Variants in ENOX1 observed in about 807,000 individuals in gnomAD.
ENOX1 encodes candidate growth-related and time keeping constitutive hydroquinone (NADH) oxidase.
Under a neutral mutation model 82.5 loss-of-function variants are expected in ENOX1, and 42 were observed. The ratio of observed to expected loss-of-function variants is 0.51; its 90% CI spans 0.40 to 0.66. ENOX1 has a LOEUF of 0.66. Ranked by LOEUF, ENOX1 falls within the 30% of genes least tolerant of loss-of-function variation. ENOX1 has a pLI of 0.00. For missense variants in ENOX1, 608 were observed against 811.6 expected (o/e 0.75, Z 3.05); for synonymous variants, 271 against 282.2 (o/e 0.96, Z 0.40).
At chr13:43,668,129 G>A (rs2153789200) in intron 1 of ENOX1, among the ~76,000 whole-genome samples, 1 of 152,266 alleles carries the variant, frequency 6.6e-6, no homozygotes, top group East Asian at 1.9e-4. Flanking sequence ...TTTCTAGAAA[G>A]TATTTTAAAG....
chr13:43,548,976 G>A (rs1465117067), intron 2 of ENOX1, among the ~76,000 whole-genome samples: 1 of 152,042 alleles, frequency 6.6e-6, no homozygotes, highest in Non-Finnish European at 1.5e-5. Flanking sequence ...TCTTCCTAGA[G>A]TCTCTCCTTT....
intron 2 of ENOX1, among the ~76,000 whole-genome samples, chr13:43,589,037 G>A (rs1593975227): frequency 6.6e-6 from 1 of 151,778 alleles, no homozygotes; most frequent in East Asian, 1.9e-4. Flanking sequence ...ACATTTGCAT[G>A]ATGGATAAAC....
intron 2 of ENOX1, among the ~76,000 whole-genome samples, chr13:43,630,860 T>TATATATATATAC (rs34023929): frequency 4.7e-5 from 7 of 147,708 alleles, no homozygotes; most frequent in South Asian, 2.2e-4. Flanking sequence ...TATATATATA[T>TATATATATATAC]ACACACACAC....
In ENOX1 at chr13:43,449,562, T is replaced by G. The variant is rs1014142961; in HGVS notation, c.-75+34447A>C. Among the ~76,000 whole-genome samples, 6 of 152,334 alleles carry G rather than the reference T, an allele frequency of 3.9e-5. No homozygotes were observed. The East Asian group carries it at 1.2e-3, about 29-fold the overall frequency. On this transcript the variant is annotated intron_variant, in intron 3 of 16. Transcript: ENST00000690772. ...TAAAAGGTGTTAAACAAATTTTAAT[T>G]TCTTAATAAAATTGTAGTAAAGTAA...
At chr13:43,706,718 A>T (rs988231725) in intron 1 of ENOX1, among the ~76,000 whole-genome samples, 2 of 152,006 alleles carry the variant, frequency 1.3e-5, no homozygotes, top group African/African-American at 4.8e-5. Context: ...GAAAGAAAAA[A>T]AAAAAACAAG....
chr13:43,335,707 A>T (rs183493622), intron 9 of ENOX1, among the ~76,000 whole-genome samples: 1,850 of 151,644 alleles, frequency 0.012, 46 homozygotes, highest in African/African-American at 0.042. Flanking sequence ...AGATTTTTTT[A>T]AAAAAACATA....
chr13:43,503,014 T>A (rs1387787809), intron 2 of ENOX1, among the ~76,000 whole-genome samples: 1 of 151,612 alleles, frequency 6.6e-6, no homozygotes, highest in East Asian at 1.9e-4. Context: ...ATAAATTTAG[T>A]AAAGTTACAG....
At chr13:43,483,936 A>G in intron 3 of ENOX1, 73 bp downstream of exon 3, 2 of 880,848 alleles carry the variant, frequency 2.3e-6, no homozygotes, top group Non-Finnish European at 2.7e-6. Context: ...AATAGAGTAC[A>G]AATATTTTCC....
chr13:43,733,606 C>G (rs1397609877), intron 1 of ENOX1, among the ~76,000 whole-genome samples: 1 of 152,170 alleles, frequency 6.6e-6, no homozygotes, highest in East Asian at 1.9e-4. Context: ...TTGTACCAGA[C>G]ACTTGTTTTC....
At chr13:43,419,409 G>C (rs2054840240) in intron 3 of ENOX1, among the ~76,000 whole-genome samples, 5 of 152,020 alleles carry the variant, frequency 3.3e-5, no homozygotes, top group Admixed American at 2.0e-4. Flanking sequence ...AGTCAAGCAT[G>C]GTAGTGCCCT....
chr13:43,725,861 G>A (rs1329041836), intron 1 of ENOX1, among the ~76,000 whole-genome samples: 1 of 151,692 alleles, frequency 6.6e-6, no homozygotes, highest in East Asian at 1.9e-4. Flanking sequence ...CAGCTACTCA[G>A]GAGGCTGAGA....
At chr13:43,350,350 G>A (rs1404223490) in intron 8 of ENOX1, among the ~76,000 whole-genome samples, 2 of 152,214 alleles carry the variant, frequency 1.3e-5, no homozygotes, top group African/African-American at 2.4e-5. Flanking sequence ...ATATCTGAAA[G>A]TCCAGGGCAT....
chr13:43,290,663 T>C (rs1308249675), intron 12 of ENOX1, among the ~76,000 whole-genome samples: 2 of 152,218 alleles, frequency 1.3e-5, no homozygotes, highest in Non-Finnish European at 2.9e-5. Context: ...TGATGGGATC[T>C]GTACGCTAAA....
chr13:43,659,247 G>C (rs1002711134), intron 2 of ENOX1, among the ~76,000 whole-genome samples: 3 of 151,976 alleles, frequency 2.0e-5, no homozygotes, highest in South Asian at 2.1e-4. Context: ...CCAGCATTTT[G>C]GGGGGCAGAG....
intron 2 of ENOX1, among the ~76,000 whole-genome samples, chr13:43,532,699 G>C (rs1028773628): frequency 6.6e-6 from 1 of 152,042 alleles, no homozygotes; most frequent in Non-Finnish European, 1.5e-5. Context: ...AGGTTGAATA[G>C]TAATGCAGCT....
intron 1 of ENOX1, among the ~76,000 whole-genome samples, chr13:43,681,009 G>C (rs1463121617): frequency 6.6e-6 from 1 of 152,066 alleles, no homozygotes; most frequent in Non-Finnish European, 1.5e-5. Flanking sequence ...AACAGGAGGT[G>C]CATTTCTGTA....
chr13:43,286,805 C>A (rs1026616519), intron 12 of ENOX1, among the ~76,000 whole-genome samples: 2 of 152,170 alleles, frequency 1.3e-5, no homozygotes, highest in Admixed American at 1.3e-4. Flanking sequence ...ATGTTACTTT[C>A]CTTTCGCAGG....
chr13:43,627,447 T>C (rs183012050), intron 2 of ENOX1, among the ~76,000 whole-genome samples: 3 of 152,174 alleles, frequency 2.0e-5, no homozygotes, highest in East Asian at 1.9e-4. Flanking sequence ...GGTTATTACA[T>C]ATATATGTAT....
chr13:43,218,796 T>C (rs1308034054), intron 16 of ENOX1, among the ~76,000 whole-genome samples: 1 of 152,226 alleles, frequency 6.6e-6, no homozygotes, highest in African/African-American at 2.4e-5. Flanking sequence ...TGATATTTTA[T>C]CTTTTGGGAT....
Sources: allele counts gnomAD v4.1 joint callset (sites outside exome capture counted in the v4.1 genomes callset), GRCh38; gene constraint gnomAD v4.1.1; transcripts MANE v1.5; gene names NCBI Gene and HGNC (gene_info 2026-07-23, HGNC 2026-07-21).